Variants in ST6GALNAC3 observed in about 807,000 individuals in gnomAD.
ST6GALNAC3 encodes the protein ST6 N-acetylgalactosaminide alpha-2,6-sialyltransferase 3, also known as alpha-N-acetylgalactosaminide alpha-2,6-sialyltransferase 3.
In ST6GALNAC3, 25 loss-of-function variants were observed where a neutral mutation model predicts 32.7. The observed-to-expected ratio is 0.76, with a 90% CI of 0.56 to 1.07. The LOEUF (loss-of-function observed/expected upper bound fraction) is 1.07. ST6GALNAC3 is among the 50% of genes least tolerant of loss of function. The probability of loss-of-function intolerance (pLI) is 0.00; values close to 1 mark genes in which losing one functional copy is unlikely to be tolerated. For missense variants in ST6GALNAC3, 355 were observed against 382.4 expected, an observed-to-expected ratio of 0.93 and a Z score of 0.60; for synonymous variants, 129 against 133.1, an observed-to-expected ratio of 0.97 and a Z score of 0.21.
At chr1:76,503,197 C>T (rs1208812360) in intron 3 of ST6GALNAC3, among the ~76,000 whole-genome samples, 2 of 152,208 alleles carry the variant, frequency 1.3e-5, no homozygotes, top group Non-Finnish European at 2.9e-5. Flanking sequence ...AAGAGAAAGT[C>T]ATCCAATGGC....
At chr1:76,200,391 T>G (rs964664888) in intron 1 of ST6GALNAC3, among the ~76,000 whole-genome samples, 1 of 152,184 alleles carries the variant, frequency 6.6e-6, no homozygotes, top group African/African-American at 2.4e-5. Context: ...CCAGTTTCTG[T>G]GAGTTTCCAA....
intron 3 of ST6GALNAC3, among the ~76,000 whole-genome samples, chr1:76,513,343 C>T (rs1661985680): frequency 1.3e-5 from 2 of 152,236 alleles, no homozygotes; most frequent in South Asian, 4.2e-4. Context: ...CATTCTTCTG[C>T]TCGTGGATAT....
At chr1:76,377,010 A>G (rs1401991025) in intron 2 of ST6GALNAC3, among the ~76,000 whole-genome samples, 1 of 152,132 alleles carries the variant, frequency 6.6e-6, no homozygotes, top group Non-Finnish European at 1.5e-5. Context: ...ACTTTGTCTT[A>G]CCTACAAGTT....
chr1:76,502,316 A>T (rs1442648721), intron 3 of ST6GALNAC3, among the ~76,000 whole-genome samples: 1 of 152,342 alleles, frequency 6.6e-6, no homozygotes, highest in Non-Finnish European at 1.5e-5. Flanking sequence ...CCACCTTTTG[A>T]GGTAACTATT....
chr1:76,452,637 C>G (rs1489082440), intron 3 of ST6GALNAC3, among the ~76,000 whole-genome samples: 1 of 152,194 alleles, frequency 6.6e-6, no homozygotes, highest in Non-Finnish European at 1.5e-5. Context: ...CCCACTTGAT[C>G]ATGGTGGATT....
At chr1:76,275,570 G>A (rs1307502802) in intron 1 of ST6GALNAC3, among the ~76,000 whole-genome samples, 1 of 152,050 alleles carries the variant, frequency 6.6e-6, no homozygotes, top group Non-Finnish European at 1.5e-5. Flanking sequence ...CTTCCCTCAG[G>A]ATGCTTCCTG....
intron 3 of ST6GALNAC3, among the ~76,000 whole-genome samples, chr1:76,528,220 T>C (rs1404904115): frequency 6.6e-6 from 1 of 152,188 alleles, no homozygotes; most frequent in Non-Finnish European, 1.5e-5. Context: ...GCATTCACTA[T>C]GTCCCTGGCA....
chr1:76,450,575 A>G (rs1252363767), intron 3 of ST6GALNAC3, among the ~76,000 whole-genome samples: 1 of 151,896 alleles, frequency 6.6e-6, no homozygotes, highest in East Asian at 1.9e-4. Flanking sequence ...AGTTGCATCT[A>G]TTTATCTTTG....
intron 1 of ST6GALNAC3, among the ~76,000 whole-genome samples, chr1:76,307,055 T>C (rs1435058996): frequency 2.0e-5 from 3 of 152,098 alleles, no homozygotes; most frequent in African/African-American, 7.2e-5. Context: ...TTTCACAAGA[T>C]AGAGCTGAAG....
At chr1:76,315,589 T>G (rs1205406412) in intron 2 of ST6GALNAC3, among the ~76,000 whole-genome samples, 1 of 152,148 alleles carries the variant, frequency 6.6e-6, no homozygotes, top group African/African-American at 2.4e-5. Context: ...ATTATTTTGC[T>G]CCTGCAAAGG....
chr1:76,113,207 C>T (rs1158793769), intron 1 of ST6GALNAC3, among the ~76,000 whole-genome samples: 3 of 151,972 alleles, frequency 2.0e-5, no homozygotes, highest in Non-Finnish European at 2.9e-5. Context: ...GGCGTGGCGG[C>T]GCGCGCCTGC....
At chr1:76,454,176 G>C (rs1451709194) in intron 3 of ST6GALNAC3, among the ~76,000 whole-genome samples, 1 of 152,082 alleles carries the variant, frequency 6.6e-6, no homozygotes, top group Non-Finnish European at 1.5e-5. Flanking sequence ...GAGTCCTTAT[G>C]TGTCAGGTGA....
At chr1:76,310,027 A>G in intron 1 of ST6GALNAC3, 1 of 488,010 alleles carries the variant, frequency 2.0e-6, no homozygotes, top group South Asian at 1.5e-5. Flanking sequence ...AAGGCTATCC[A>G]CATCTTTGTC....
intron 3 of ST6GALNAC3, among the ~76,000 whole-genome samples, chr1:76,430,911 A>G (rs1655707526): frequency 6.6e-6 from 1 of 152,210 alleles, no homozygotes; most frequent in South Asian, 2.1e-4. Flanking sequence ...TTACAAAGTA[A>G]TGATTTCTGA....
At chr1:76,604,134 G>C (rs759179296) in intron 3 of ST6GALNAC3, among the ~76,000 whole-genome samples, 5 of 152,044 alleles carry the variant, frequency 3.3e-5, no homozygotes, top group Non-Finnish European at 7.4e-5. Flanking sequence ...TAAAGTTAGT[G>C]TTTCATTTTT....
chr1:76,342,739 G>GT (rs908877941), intron 2 of ST6GALNAC3, among the ~76,000 whole-genome samples: 40 of 151,176 alleles, frequency 2.6e-4, no homozygotes, highest in South Asian at 2.1e-3. Context: ...ACTAATATCT[G>GT]TTTTTTTTAA....
chr1:76,517,165 T>A (rs1370909634), intron 3 of ST6GALNAC3, among the ~76,000 whole-genome samples: 1 of 151,838 alleles, frequency 6.6e-6, no homozygotes, highest in East Asian at 1.9e-4. Context: ...ATTTTATCTA[T>A]AGATTTATAT....
chr1:76,338,307 A>G (rs1198708815), intron 2 of ST6GALNAC3, among the ~76,000 whole-genome samples: 1 of 152,196 alleles, frequency 6.6e-6, no homozygotes, highest in Non-Finnish European at 1.5e-5. Flanking sequence ...AGCCATTGTC[A>G]TTTGGTTAAT....
In ST6GALNAC3 at chr1:76,556,924, G is replaced by T. The variant is rs12067514; in HGVS notation, c.624-70528G>T. ...TTTTGTCACTTATGCTTTTAGTGTC[G>T]TATTTAAAAAGGCTTGCCTAATCCA... On this transcript the variant is annotated intron_variant, in intron 3 of 4. Transcript: ENST00000328299. Among the ~76,000 whole-genome samples the T allele has an allele frequency of 5.3e-4, 80 of 151,638 alleles. No homozygotes were observed. The South Asian group carries it at 0.015, about 29-fold the overall frequency.
Sources: gnomAD v4.1 joint callset for allele counts (sites outside exome capture counted in the v4.1 genomes callset) on GRCh38, gnomAD v4.1.1 for gene constraint, MANE v1.5 for transcripts, NCBI Gene and HGNC (gene_info 2026-07-23, HGNC 2026-07-21) for gene names.